PCLO: variants seen among roughly 807,000 people sequenced by gnomAD.
The protein encoded by PCLO is protein piccolo.
PCLO carries 82 observed loss-of-function variants against 427.5 expected under a neutral mutation model. The observed-to-expected ratio is 0.19, with a 90% CI of 0.16 to 0.23. The LOEUF (loss-of-function observed/expected upper bound fraction) is 0.23, where lower values mean the gene tolerates loss of function less well. PCLO is among the 10% of genes least tolerant of loss of function. The pLI is 1.00. For missense variants in PCLO, 6,239 were observed against 6,115.9 expected (o/e 1.02, Z -0.67); for synonymous variants, 2,357 against 2,155.4 (o/e 1.09, Z -2.59).
chr7:82,784,316 G>T lies in PCLO; in HGVS notation c.15007+17202C>A, dbSNP rs940350781. On this transcript the variant is annotated intron_variant, in intron 22 of 24. Coordinates refer to ENST00000333891, the MANE Select transcript of PCLO (RefSeq NM_033026.6). ...CCTGGGTCATACTCTTCCTGAAGGT[G>T]CTGGGCACACTTCTGCTGGTCAGCC... Among the ~76,000 whole-genome samples, 7 of 152,258 alleles carry T rather than the reference G, an allele frequency of 4.6e-5. No homozygotes were observed. In the East Asian group the frequency reaches 9.7e-4, roughly 21 times the overall value.
chr7:83,004,544 G>A (rs1416568937), intron 3 of PCLO, among the ~76,000 whole-genome samples: 1 of 151,540 alleles, frequency 6.6e-6, no homozygotes, highest in Non-Finnish European at 1.5e-5. Context: ...AACATAAAGT[G>A]TGAAACCATA....
chr7:82,777,086 G>C (rs766733750), intron 22 of PCLO, among the ~76,000 whole-genome samples: 4 of 151,896 alleles, frequency 2.6e-5, no homozygotes, highest in Middle Eastern at 3.2e-3. Context: ...AGAGATTCTG[G>C]TATGTTGTAA....
chr7:83,135,826 G>A (rs995678325), intron 2 of PCLO, among the ~76,000 whole-genome samples, 170 bp from the exon 3 acceptor site: 5 of 152,028 alleles, frequency 3.3e-5, no homozygotes, highest in South Asian at 2.1e-4. Flanking sequence ...ATTGCCAGGC[G>A]TGGTGGCTCA....
Position 83,090,286 on chromosome 7 carries a change from G to C in PCLO, c.3300+43964C>G, listed in dbSNP as rs192628638. Reference sequence around the variant, plus strand: ...AAACTAATGCAATTTACTGGCTGACGTGTGCTGAAGACATAAAGATTTCAA... The same window carrying C: ...AAACTAATGCAATTTACTGGCTGACCTGTGCTGAAGACATAAAGATTTCAA... On this transcript the variant is annotated intron_variant, in intron 3 of 24. Coordinates refer to ENST00000333891, the MANE Select transcript of PCLO (RefSeq NM_033026.6). Among the ~76,000 whole-genome samples, 3 of 152,282 alleles carry C rather than the reference G, an allele frequency of 2.0e-5. No homozygotes were observed. In the East Asian group the frequency reaches 5.8e-4, roughly 29 times the overall value.
In PCLO at chr7:83,134,930, C is replaced by T; in HGVS notation, c.2620G>A (p.Gly874Arg). ...CGTGGGCCAGGGGGTGTTGGTGACCCTTTTGGCATTGGCTTGGCATCTGGT... is the reference window on the plus strand; with the variant it reads ...CGTGGGCCAGGGGGTGTTGGTGACCTTTTTGGCATTGGCTTGGCATCTGGT... ...PKPDAKPMPK[G>R]SPTPPGPRPT... Residue 874 changes from glycine (G) to arginine (R), a missense_variant, in exon 3 of 25, where the codon GGG becomes AGG. Physicochemically the swap from Gly to Arg is moderately radical, Grantham distance 125. This residue lies in a region of PCLO where 4,677 missense variants were observed against 4,468.4 expected (regional missense o/e 1.05). Coordinates refer to ENST00000333891, the MANE Select transcript of PCLO (RefSeq NM_033026.6). 6.2e-7 allele frequency: 1 copy of T among 1,605,924 alleles called. No individual in the cohort carries two copies. Among genetic ancestry groups the T allele is most frequent in the Admixed American group, 1.7e-5 (1 of 59,102 alleles).
intron 6 of PCLO, among the ~76,000 whole-genome samples, chr7:82,931,835 AAG>A (rs1231015391): frequency 1.3e-5 from 2 of 152,092 alleles, no homozygotes; most frequent in Admixed American, 1.3e-4. Flanking sequence ...CCCTCACTTA[AAG>A]AGAGGGGACT....
At chr7:83,059,470 A>C (rs1789490333) in intron 3 of PCLO, among the ~76,000 whole-genome samples, 1 of 149,644 alleles carries the variant, frequency 6.7e-6, no homozygotes, top group Non-Finnish European at 1.5e-5. Context: ...TTAAAAGATA[A>C]AAATACGTAG....
chr7:83,005,946 A>C (rs1787935735), intron 3 of PCLO, among the ~76,000 whole-genome samples: 1 of 151,658 alleles, frequency 6.6e-6, no homozygotes, highest in African/African-American at 2.4e-5. Flanking sequence ...CCATTACAGT[A>C]AAATATAGGA....
At chr7:82,827,479 C>T (rs2115683798) in intron 17 of PCLO, among the ~76,000 whole-genome samples, 1 of 152,086 alleles carries the variant, frequency 6.6e-6, no homozygotes, top group Non-Finnish European at 1.5e-5. Context: ...TGGAGTAATA[C>T]AGTTCTATGC....
intron 3 of PCLO, among the ~76,000 whole-genome samples, chr7:82,982,238 T>C (rs1200463728): frequency 2.0e-5 from 3 of 152,106 alleles, no homozygotes; most frequent in African/African-American, 7.2e-5. Flanking sequence ...AAAATATGAA[T>C]TGTCTCACTA....
chr7:82,754,796 A>G lies in PCLO; in HGVS notation c.*3779T>C, dbSNP rs1207833201. On this transcript the variant is annotated 3_prime_UTR_variant, in exon 25 of 25. Transcript: ENST00000333891. Reference sequence around the variant, plus strand: ...GTAATTATTAAATAAATAGCTCATAATTATTCATTGAGTCTTCTTTCACTT... The same window carrying G: ...GTAATTATTAAATAAATAGCTCATAGTTATTCATTGAGTCTTCTTTCACTT... 6.6e-6 allele frequency: 1 copy of G among 152,106 alleles called. No individual in the cohort carries two copies. Among genetic ancestry groups the G allele is most frequent in the Non-Finnish European group, 1.5e-5 (1 of 67,960 alleles). The allele number at this position is 152,106 out of a possible 1,614,324, so 9.4% of individuals were successfully genotyped here. A position where few individuals can be genotyped will look rare whatever the true frequency, so the allele number is the denominator to read the frequency against.
rs139554110 is a variant in PCLO at position 82,856,778 on chromosome 7, G to C, written c.13655-9531C>G. Among the ~76,000 whole-genome samples the C allele has an allele frequency of 3.3e-5, 5 of 152,178 alleles. No homozygotes were observed. The East Asian group carries it at 9.7e-4, about 29-fold the overall frequency. On this transcript the variant is annotated intron_variant, in intron 10 of 24. Coordinates refer to ENST00000333891, the MANE Select transcript of PCLO (RefSeq NM_033026.6). Reference sequence around the variant, plus strand: ...AAAATGATATTAACAGATTAATACTGGTCTGCTGTGGTTTGAACGCCTCCT... The same window carrying C: ...AAAATGATATTAACAGATTAATACTCGTCTGCTGTGGTTTGAACGCCTCCT...
intron 3 of PCLO, among the ~76,000 whole-genome samples, chr7:83,023,589 C>T (rs1474457303): frequency 6.6e-6 from 1 of 152,130 alleles, no homozygotes; most frequent in Non-Finnish European, 1.5e-5. Flanking sequence ...TCCCTAAATG[C>T]TTTAGCACAA....
chr7:83,057,710 G>A (rs961104275), intron 3 of PCLO, among the ~76,000 whole-genome samples: 31 of 151,396 alleles, frequency 2.0e-4, no homozygotes, highest in East Asian at 3.9e-4. Context: ...CCTACATCAC[G>A]ACCGATCTAT....
At chr7:83,130,828 A>G (rs192897824) in intron 3 of PCLO, among the ~76,000 whole-genome samples, 2 of 152,332 alleles carry the variant, frequency 1.3e-5, no homozygotes, top group Admixed American at 6.5e-5. Flanking sequence ...ATAGTGACAA[A>G]TATCTCCTAG....
At chr7:82,993,459 G>C (rs998856724) in intron 3 of PCLO, among the ~76,000 whole-genome samples, 4 of 151,706 alleles carry the variant, frequency 2.6e-5, no homozygotes, top group Non-Finnish European at 5.9e-5. Context: ...TTTGAATTTT[G>C]GTTCTGCCAC....
At chr7:83,067,453 C>CT (rs1177962948) in intron 3 of PCLO, among the ~76,000 whole-genome samples, 2 of 152,082 alleles carry the variant, frequency 1.3e-5, no homozygotes, top group South Asian at 2.1e-4. Flanking sequence ...AGGGACTTTA[C>CT]TTTTTTTTCC....
At chr7:82,891,948 G>A (rs968025363) in intron 9 of PCLO, among the ~76,000 whole-genome samples, 1 of 151,862 alleles carries the variant, frequency 6.6e-6, no homozygotes, top group Non-Finnish European at 1.5e-5. Context: ...AACATTCCAT[G>A]ATTCCATGCT....
chr7:83,080,408 G>A (rs751459348), intron 3 of PCLO, among the ~76,000 whole-genome samples: 21 of 151,906 alleles, frequency 1.4e-4, no homozygotes, highest in Non-Finnish European at 2.8e-4. Flanking sequence ...TTTAATAATC[G>A]CCATTCTGTC....
Sources: gnomAD v4.1 joint callset for allele counts (sites outside exome capture counted in the v4.1 genomes callset) on GRCh38, gnomAD v4.1.1 for gene constraint, gnomAD v4.1.1 regional missense constraint, MANE v1.5 for transcripts, NCBI Gene and HGNC (gene_info 2026-07-23, HGNC 2026-07-21) for gene names.